TASOR2: variants seen among roughly 807,000 people sequenced by gnomAD.
TASOR2 encodes transcription activation suppressor family member 2.
A neutral mutation model predicts 199.5 loss-of-function variants in TASOR2; 84 were observed. The observed-to-expected ratio is 0.42, with a 90% confidence interval of 0.35 to 0.50. TASOR2 has a LOEUF of 0.50. Among genes scored for constraint, TASOR2 ranks in the 20% least tolerant of loss-of-function variants. TASOR2 has a pLI of 0.02. For missense variants in TASOR2, 2,796 were observed against 2,835.9 expected, an observed-to-expected ratio of 0.99 and a Z score of 0.32; for synonymous variants, 1,103 against 1,046.6, an observed-to-expected ratio of 1.05 and a Z score of -1.04.
Position 5,699,690 on chromosome 10 carries a change from G to A in TASOR2, c.-287-13133G>A, listed in dbSNP as rs1163629875. 4.5e-6 allele frequency: 2 copies of A among 442,822 alleles called. No homozygotes were observed. Among genetic ancestry groups the A allele is most frequent in the East Asian group, 1.6e-4 (1 of 6,340 alleles). The allele number at this position is 442,822 out of a possible 1,614,324, so 27.4% of individuals were successfully genotyped here. On this transcript the variant is annotated intron_variant, in intron 1 of 20. Transcript: ENST00000328090. This position sits in a 1 kb window ranked among gnomAD's most constrained non-coding sequence, Gnocchi z 4.1. The stretch of plus-strand genomic sequence containing the variant: ...AGCCATTTCAGAAGTACACAAGGGA[G>A]ACTAGACACCATGGCAAAGATCATA...
exon 15 of TASOR2, chr10:5,747,975 G>A (rs1284810403): frequency 1.2e-6 from 2 of 1,613,112 alleles, no homozygotes; most frequent in East Asian, 4.5e-5. Context: ...CAGGAAAGGT[G>A]CAGTGCTATG....
In TASOR2 at chr10:5,701,043, CA is replaced by C. The variant is rs1446507435; in HGVS notation, c.-287-11773del. Among the ~76,000 whole-genome samples the C allele has an allele frequency of 6.6e-6, 1 of 150,730 alleles. No individual in the cohort carries two copies. The highest frequency in any genetic ancestry group is 2.0e-4 in the East Asian group (1 of 5,040). On this transcript the variant is annotated intron_variant, in intron 1 of 20. Transcript: ENST00000328090. This position sits in a 1 kb window ranked among gnomAD's most constrained non-coding sequence, Gnocchi z 4.9. ...TTGCCTGTGCCTTTGAGGCCTTAAA[CA>C]AAAAAAGTTTGGCCAGACTAGTATC...
chr10:5,714,275 T>C (rs1375083573), intron 2 of TASOR2, 68 bp downstream of exon 3: 1 of 988,858 alleles, frequency 1.0e-6, no homozygotes, highest in Non-Finnish European at 1.3e-6. Context: ...GAGGTTTCAT[T>C]AGTTTTATAA....
At position 5,687,528 on chromosome 10, in the gene TASOR2, C is replaced by A. The variant is rs1279829924; in HGVS notation, c.-288+2353C>A. Among the ~76,000 whole-genome samples the A allele has an allele frequency of 6.6e-6, 1 of 152,210 alleles. No homozygotes were observed. On this transcript the variant is annotated intron_variant, in intron 1 of 20. Coordinates refer to ENST00000328090, the Ensembl canonical transcript of TASOR2. The surrounding 1 kb of genome is among the most constrained non-coding windows in gnomAD (Gnocchi z 4.8). ...AGGACCCCTCTACACTTTTTAAGAA[C>A]CATTGAGGGGGCCAGGTACGGTGGC...
chr10:5,688,007 A>T (rs1049231717), intron 1 of TASOR2, among the ~76,000 whole-genome samples: 4 of 152,246 alleles, frequency 2.6e-5, no homozygotes, highest in Non-Finnish European at 5.9e-5. Context: ...GGATTTTTGT[A>T]CATTTTTGCA....
intron 11 of TASOR2, 144 bp downstream of exon 12, chr10:5,731,347 G>A (rs897075168): frequency 7.1e-6 from 5 of 705,882 alleles, no homozygotes; most frequent in South Asian, 3.8e-5. Context: ...TGACCAATAC[G>A]GTGACACCCT....
chr10:5,747,227 G>C (rs371528856), exon 15 of TASOR2: 2 of 1,614,062 alleles, frequency 1.2e-6, no homozygotes, highest in African/African-American at 1.3e-5. Context: ...TCTGTGAGTA[G>C]AGAGGTCAGC....
chr10:5,708,076 G>A (rs186588217), intron 1 of TASOR2, among the ~76,000 whole-genome samples: 1 of 152,274 alleles, frequency 6.6e-6, no homozygotes, highest in East Asian at 1.9e-4. Flanking sequence ...GGGGGAAAAT[G>A]TGCTGTAAAA....
chr10:5,708,128 C>A (rs1831364212), intron 1 of TASOR2, among the ~76,000 whole-genome samples: 1 of 152,168 alleles, frequency 6.6e-6, no homozygotes, highest in Admixed American at 6.5e-5. Context: ...AATCCTTATT[C>A]CACAGACTCA....
At position 5,758,740 on chromosome 10, in the gene TASOR2, C is replaced by G. The variant is rs1839344312; in HGVS notation, c.6887-147C>G. 9 of 624,532 alleles carry G rather than the reference C, an allele frequency of 1.4e-5. No homozygotes were observed. In the Admixed American group the frequency reaches 2.6e-4, roughly 18 times the overall value. 38.7% of individuals were successfully genotyped at this position (624,532 alleles called of 1,614,324 possible). A position where few individuals can be genotyped will look rare whatever the true frequency, so the allele number is the denominator to read the frequency against. On this transcript the variant is annotated intron_variant, in intron 17 of 20. Transcript: ENST00000328090. ...CTTGTGAGAGCAGGATGCTGCCCAA[C>G]CACATAAGTGACAGTGATGGTGTGT... is the stretch of plus-strand genomic sequence containing the variant.
intron 1 of TASOR2, among the ~76,000 whole-genome samples, chr10:5,707,616 C>G (rs1838795867): frequency 6.6e-6 from 1 of 151,764 alleles, no homozygotes; most frequent in South Asian, 2.1e-4. Context: ...AGTGGAATTA[C>G]CATAATGATC....
Position 5,712,370 on chromosome 10 carries a change from G to A in TASOR2, c.-287-453G>A, listed in dbSNP as rs989386366. On this transcript the variant is annotated intron_variant, in intron 1 of 20. Coordinates refer to ENST00000328090, the Ensembl canonical transcript of TASOR2. Reference sequence around the variant, plus strand: ...ATCCTTTGGAATCTTAAATAGCTGCGTTATTTTTGTTTGTGTTTTACAGTT... The same window carrying A: ...ATCCTTTGGAATCTTAAATAGCTGCATTATTTTTGTTTGTGTTTTACAGTT... The A allele has an allele frequency of 1.5e-5, 18 of 1,230,680 alleles. No homozygotes were observed. The Admixed American group carries it at 1.7e-4, about 12-fold the overall frequency. The allele number at this position is 1,230,680 out of a possible 1,614,324, so 76.2% of individuals were successfully genotyped here.
rs375087629 is a variant in TASOR2 at position 5,740,302 on chromosome 10, C to G, written c.2132C>G (p.Pro711Arg). The change falls in exon 13 of 21, where the codon CCT (proline) becomes CGT (arginine). Residue 711 changes from proline to arginine, a missense_variant. Pro to Arg is a moderately radical substitution (Grantham distance 103, BLOSUM62 -2). Around this residue, in one of 3 missense-constraint regions of TASOR2, gnomAD observed 847 missense variants for 887.4 expected, o/e 0.95. Transcript: ENST00000328090. This position sits in a 1 kb window ranked among gnomAD's most constrained non-coding sequence, Gnocchi z 5.3. The stretch of plus-strand genomic sequence containing the variant: ...GGCCTTTTGCTTCAGCAAAAGCCTC[C>G]TGACGACCCCGTGGTGAAGCCCAAG... 1.9e-6 allele frequency: 3 copies of G among 1,614,122 alleles called. No homozygotes were observed. In the African/African-American group the frequency reaches 4.0e-5, roughly 22 times the overall value.
exon 13 of TASOR2, chr10:5,739,898 G>A: frequency 6.2e-7 from 1 of 1,614,102 alleles, no homozygotes; most frequent in Non-Finnish European, 8.5e-7. Context: ...AAAATTCTTT[G>A]CGAGGTACAT....
intron 19 of TASOR2, chr10:5,761,717 T>TC: frequency 2.4e-6 from 1 of 420,774 alleles, no homozygotes; most frequent in South Asian, 4.4e-5. Context: ...ACAGTATAAG[T>TC]AGTTATACCG....
intron 10 of TASOR2, among the ~76,000 whole-genome samples, chr10:5,728,204 G>C (rs1246580480): frequency 1.5e-5 from 2 of 132,274 alleles, no homozygotes; most frequent in East Asian, 2.2e-4. Flanking sequence ...CTGGGCAACA[G>C]AGTGAGACCC....
At chr10:5,726,292 A>G (rs1352740367) in intron 8 of TASOR2, among the ~76,000 whole-genome samples, 1 of 152,218 alleles carries the variant, frequency 6.6e-6, no homozygotes, top group African/African-American at 2.4e-5. Flanking sequence ...TTTTTTCTTG[A>G]GCTCAAGAGT....
chr10:5,748,117 CATCTT>C lies in TASOR2; in HGVS notation c.4697_4701del (p.His1566ArgfsTer6). 1.2e-6 allele frequency: 2 copies of C among 1,614,198 alleles called. No homozygotes were observed. Among genetic ancestry groups the C allele is most frequent in the Non-Finnish European group, 1.7e-6 (2 of 1,180,030 alleles). On this transcript the variant is annotated frameshift_variant, in exon 15 of 21. Coordinates refer to ENST00000328090, the Ensembl canonical transcript of TASOR2. LOFTEE classifies it high-confidence loss of function. The surrounding 1 kb of genome is among the most constrained non-coding windows in gnomAD (Gnocchi z 5.1). ...AGAGAATAGAAATTTGGACTTAAAA[CATCTT>C]GTCTTGGAGTCCAGTGAACCTCCAT... is the stretch of plus-strand genomic sequence containing the variant.
intron 11 of TASOR2, among the ~76,000 whole-genome samples, chr10:5,732,609 G>T (rs1289049109): frequency 1.3e-5 from 2 of 152,240 alleles, no homozygotes; most frequent in Admixed American, 6.5e-5. Context: ...CCAGGCTGGA[G>T]TTGAGTGACA....
Sources: gnomAD v4.1 joint callset for allele counts (sites outside exome capture counted in the v4.1 genomes callset) on GRCh38, gnomAD v4.1.1 for gene constraint, gnomAD v4.1.1 regional missense constraint, Gnocchi (gnomAD v3.1) non-coding constraint, MANE v1.5 for transcripts, NCBI Gene and HGNC (gene_info 2026-07-23, HGNC 2026-07-21) for gene names.